Variants in HERC4 observed in about 807,000 individuals in gnomAD.
The protein encoded by HERC4 is probable E3 ubiquitin-protein ligase HERC4.
A neutral mutation model predicts 124.3 loss-of-function variants in HERC4; 28 were observed. The ratio of observed to expected loss-of-function variants is 0.23; its 90% CI spans 0.17 to 0.31. The LOEUF is 0.31. HERC4 is among the 10% of genes least tolerant of loss of function. The pLI is 1.00. For synonymous variants in HERC4, 407 were observed against 421.5 expected (o/e 0.97, Z 0.42); for missense variants, 713 against 1,229.3 (o/e 0.58, Z 6.28).
At chr10:68,010,776 G>A (rs2037902916) in intron 9 of HERC4, 3 of 1,498,554 alleles carry the variant, frequency 2.0e-6, no homozygotes, top group Non-Finnish European at 2.8e-6. Flanking sequence ...CCCAGGGTAA[G>A]CCCCACATCA....
At chr10:67,982,904 G>A (rs2036018365) in intron 15 of HERC4, among the ~76,000 whole-genome samples, 1 of 152,052 alleles carries the variant, frequency 6.6e-6, no homozygotes, top group Non-Finnish European at 1.5e-5. Context: ...GAGACGGGTG[G>A]ATCGCCTGAG....
chr10:68,072,065 TAC>T (rs953159907), intron 3 of HERC4, among the ~76,000 whole-genome samples: 98 of 152,340 alleles, frequency 6.4e-4, no homozygotes, highest in Non-Finnish European at 7.4e-5. Flanking sequence ...CCATTATTGT[TAC>T]AGTTAAAATA....
intron 3 of HERC4, among the ~76,000 whole-genome samples, chr10:68,058,976 T>A (rs1343049474): frequency 6.6e-6 from 1 of 152,154 alleles, no homozygotes; most frequent in Non-Finnish European, 1.5e-5. Flanking sequence ...GTTACCAATG[T>A]TATTACTTGT....
At chr10:67,959,417 G>C (rs1456608490) in intron 16 of HERC4, among the ~76,000 whole-genome samples, 4 of 151,892 alleles carry the variant, frequency 2.6e-5, no homozygotes, top group African/African-American at 4.8e-5. Context: ...CCCATTTGCA[G>C]AATTTAGGCA....
intron 17 of HERC4, 118 bp downstream of exon 17, chr10:67,956,760 G>T: frequency 1.9e-6 from 1 of 524,700 alleles, no homozygotes; most frequent in Non-Finnish European, 3.3e-6. Context: ...CTTCTTTATA[G>T]CTACCCAAAG....
In HERC4 at chr10:67,998,185, G is replaced by T. The variant is rs373117786; in HGVS notation, c.1070-5503C>A. Among the ~76,000 whole-genome samples the T allele has an allele frequency of 1.6e-4, 24 of 151,794 alleles. No homozygotes were observed. The South Asian group carries it at 5.0e-3, about 32-fold the overall frequency. On this transcript the variant is annotated intron_variant, in intron 9 of 24. Coordinates refer to ENST00000373700, the MANE Select transcript of HERC4 (RefSeq NM_015601.4). ...GTGCTGGGATTACAGGTGTGAGCCA[G>T]TGTACCCGGCTGGAAAATATTTTTT...
chr10:67,998,621 T>G (rs2037045799), intron 9 of HERC4, among the ~76,000 whole-genome samples: 2 of 151,994 alleles, frequency 1.3e-5, no homozygotes, highest in South Asian at 4.1e-4. Context: ...AAATGTTTTC[T>G]GGCACAACCT....
At chr10:67,953,600 G>A (rs2033954226) in intron 19 of HERC4, among the ~76,000 whole-genome samples, 1 of 152,130 alleles carries the variant, frequency 6.6e-6, no homozygotes, top group Non-Finnish European at 1.5e-5. Context: ...GACAATAACT[G>A]CAGTGAATTG....
chr10:67,939,972 G>A (rs1193108759), intron 20 of HERC4, among the ~76,000 whole-genome samples: 1 of 151,840 alleles, frequency 6.6e-6, no homozygotes, highest in Admixed American at 6.6e-5. Flanking sequence ...TGTCGCCCAG[G>A]CTGAAGTGCA....
intron 8 of HERC4, among the ~76,000 whole-genome samples, chr10:68,020,546 C>T (rs563296410): frequency 2.0e-5 from 3 of 151,876 alleles, no homozygotes; most frequent in Non-Finnish European, 4.4e-5. Flanking sequence ...GCGGGCAGAT[C>T]ACGAGGTCAG....
At chr10:67,964,082 T>TACC (rs1038810028) in intron 16 of HERC4, among the ~76,000 whole-genome samples, 1 of 141,104 alleles carries the variant, frequency 7.1e-6, no homozygotes, top group African/African-American at 2.5e-5. Context: ...TGATTCCAGC[T>TACC]ACCACTCCAT....
chr10:68,020,127 T>A (rs971079852), intron 8 of HERC4, among the ~76,000 whole-genome samples: 9 of 152,300 alleles, frequency 5.9e-5, no homozygotes, highest in African/African-American at 1.9e-4. Context: ...CTCATTTTTA[T>A]ACCTCAGGGT....
At chr10:68,054,823 A>G (rs1438851971) in intron 3 of HERC4, among the ~76,000 whole-genome samples, 3 of 152,174 alleles carry the variant, frequency 2.0e-5, no homozygotes, top group Admixed American at 2.0e-4. Context: ...CACTCAAGGC[A>G]TAAACTTCCC....
chr10:67,974,114 A>G (rs1430096786), intron 15 of HERC4, among the ~76,000 whole-genome samples: 1 of 109,414 alleles, frequency 9.1e-6, no homozygotes, highest in Non-Finnish European at 2.0e-5. Context: ...ACACACACAC[A>G]CACACATACA....
chr10:68,050,299 ATTGCT>A (rs1269977488), intron 3 of HERC4, among the ~76,000 whole-genome samples: 2 of 152,372 alleles, frequency 1.3e-5, no homozygotes, highest in East Asian at 3.9e-4. Flanking sequence ...GTGTATTTAA[ATTGCT>A]TTGATGTTTG....
At chr10:67,983,075 C>CAAA (rs60021463) in intron 15 of HERC4, among the ~76,000 whole-genome samples, 2 of 76,772 alleles carry the variant, frequency 2.6e-5, no homozygotes, top group Admixed American at 1.4e-4. Flanking sequence ...TTGCACTGAG[C>CAAA]AAAAAAAAAA....
intron 8 of HERC4, among the ~76,000 whole-genome samples, chr10:68,018,295 T>C (rs1472218066): frequency 6.6e-6 from 1 of 151,534 alleles, no homozygotes; most frequent in Non-Finnish European, 1.5e-5. Context: ...ATCATTTCAA[T>C]AAATACAGAA....
chr10:67,952,788 T>C (rs982225921), intron 19 of HERC4, among the ~76,000 whole-genome samples: 59 of 151,574 alleles, frequency 3.9e-4, no homozygotes, highest in African/African-American at 9.9e-4. Flanking sequence ...TAGTCCCAGC[T>C]ACTCGGGAGG....
At chr10:67,969,394 G>A (rs1455407934) in intron 15 of HERC4, among the ~76,000 whole-genome samples, 2 of 152,156 alleles carry the variant, frequency 1.3e-5, no homozygotes, top group South Asian at 2.1e-4. Flanking sequence ...GTCCCAGGCA[G>A]TTGGCACTCA....
Sources: allele counts gnomAD v4.1 joint callset (sites outside exome capture counted in the v4.1 genomes callset), GRCh38; gene constraint gnomAD v4.1.1; transcripts MANE v1.5; gene names NCBI Gene and HGNC (gene_info 2026-07-23, HGNC 2026-07-21).